The following GRM3 variants were observed in gnomAD, a reference collection of about 807,000 sequenced individuals.
GRM3 encodes glutamate metabotropic receptor 3, also known as metabotropic glutamate receptor 3.
GRM3 carries 26 observed loss-of-function variants against 70.5 expected under a neutral mutation model. The observed-to-expected ratio is 0.37, with a 90% CI of 0.27 to 0.51. The LOEUF is 0.51. Ranked by LOEUF, GRM3 falls within the 20% of genes least tolerant of loss-of-function variation. GRM3 has a pLI of 0.93. For synonymous variants in GRM3, 443 were observed against 434.9 expected (o/e 1.02, Z -0.23); for missense variants, 859 against 1,123.8 (o/e 0.76, Z 3.37).
At chr7:86,680,655 TGTTA>T (rs1158429120) in intron 1 of GRM3, among the ~76,000 whole-genome samples, 1 of 152,150 alleles carries the variant, frequency 6.6e-6, no homozygotes, top group East Asian at 1.9e-4. Context: ...AGTAAGACTT[TGTTA>T]AACACTAAAT....
chr7:86,712,135 A>G (rs1023377136), intron 1 of GRM3, among the ~76,000 whole-genome samples: 8 of 152,034 alleles, frequency 5.3e-5, no homozygotes, highest in Non-Finnish European at 1.2e-4. Context: ...AATTCTGCTT[A>G]CTTTACCTTT....
At chr7:86,707,945 G>T (rs191276120) in intron 1 of GRM3, among the ~76,000 whole-genome samples, 26 of 152,094 alleles carry the variant, frequency 1.7e-4, no homozygotes, top group African/African-American at 5.3e-4. Context: ...TATGAAAAAG[G>T]TACTGTCATG....
At chr7:86,710,446 G>C (rs1420605836) in intron 1 of GRM3, among the ~76,000 whole-genome samples, 1 of 148,340 alleles carries the variant, frequency 6.7e-6, no homozygotes, top group Non-Finnish European at 1.5e-5. Context: ...TGGGAAAGCA[G>C]ATAGCCCAGG....
chr7:86,832,883 C>T lies in GRM3; in HGVS notation c.1325-5956C>T, dbSNP rs74631050. On this transcript the variant is annotated intron_variant, in intron 3 of 5. Transcript: ENST00000361669. ...GATTCTCCTGACCCAAAGCCACATC[C>T]GACTCCTTCTGAAAGTGAAGACCTG... 1,864 of 241,170 alleles carry T rather than the reference C, an allele frequency of 7.7e-3. 37 individuals carry two copies. Among genetic ancestry groups the T allele is most frequent in the African/African-American group, 0.04 (1,743 of 43,176 alleles). 14.9% of individuals were successfully genotyped at this position (241,170 alleles called of 1,614,324 possible). A position where few individuals can be genotyped will look rare whatever the true frequency, so the allele number is the denominator to read the frequency against.
At chr7:86,813,049 TATC>T (rs1377435447) in intron 3 of GRM3, among the ~76,000 whole-genome samples, 19 of 151,952 alleles carry the variant, frequency 1.3e-4, no homozygotes, top group African/African-American at 4.6e-4. Context: ...TGCCCCTCAT[TATC>T]ATCAGAACTT....
At chr7:86,710,566 T>TGGGGG (rs1171125332) in intron 1 of GRM3, among the ~76,000 whole-genome samples, 2 of 8,132 alleles carry the variant, frequency 2.5e-4, no homozygotes, top group African/African-American at 1.1e-3. Flanking sequence ...GTGTGTGTGG[T>TGGGGG]GGGGGGTGGG....
intron 1 of GRM3, among the ~76,000 whole-genome samples, chr7:86,749,242 C>G (rs1224644106): frequency 6.6e-6 from 1 of 151,980 alleles, no homozygotes; most frequent in Non-Finnish European, 1.5e-5. Flanking sequence ...TGTGAAACAC[C>G]ATCCTTTGGG....
intron 1 of GRM3, among the ~76,000 whole-genome samples, chr7:86,677,312 A>T (rs1794331156): frequency 6.6e-6 from 1 of 152,046 alleles, no homozygotes. Context: ...CCAGAACTCT[A>T]GATTTCCAGT....
intron 1 of GRM3, among the ~76,000 whole-genome samples, chr7:86,708,862 A>G (rs1795118991): frequency 1.3e-5 from 2 of 152,074 alleles, no homozygotes; most frequent in African/African-American, 2.4e-5. Context: ...TTTATTTAAG[A>G]TTCATGTCTC....
At chr7:86,841,157 AATAG>A (rs1414556214) in intron 4 of GRM3, among the ~76,000 whole-genome samples, 1 of 152,210 alleles carries the variant, frequency 6.6e-6, no homozygotes, top group Admixed American at 6.5e-5. Flanking sequence ...TGCGAATTAA[AATAG>A]ATAAATACTT....
At chr7:86,760,586 G>A (rs906870550) in intron 1 of GRM3, among the ~76,000 whole-genome samples, 2 of 152,000 alleles carry the variant, frequency 1.3e-5, no homozygotes, top group Non-Finnish European at 2.9e-5. Context: ...CACACAATCC[G>A]ATAAACTGTT....
In GRM3 at chr7:86,716,440, A is replaced by G. The variant is rs150157687; in HGVS notation, c.-140-48566A>G. 3.7e-4 allele frequency among the ~76,000 whole-genome samples: 56 copies of G among 152,060 alleles called. 1 individual carries two copies. Among genetic ancestry groups the G allele is most frequent in the African/African-American group, 1.3e-3 (55 of 41,528 alleles). On this transcript the variant is annotated intron_variant, in intron 1 of 5. Coordinates refer to ENST00000361669, the MANE Select transcript of GRM3 (RefSeq NM_000840.3). ...AAACTAAGGATGAGAAATGGTAAGA[A>G]GTTTGTCCAAATCAGGCACCTGGTA... is the stretch of plus-strand genomic sequence containing the variant.
rs547728985 is a variant in GRM3 at position 86,757,635 on chromosome 7, G to C, written c.-140-7371G>C. Among the ~76,000 whole-genome samples the C allele has an allele frequency of 2.0e-5, 3 of 152,240 alleles. No homozygotes were observed. The South Asian group carries it at 6.2e-4, about 32-fold the overall frequency. ...CATGCAGCTCACTGCCCCACAAATA[G>C]CAACCACTTTAGCAGCTTAGAATTC... On this transcript the variant is annotated intron_variant, in intron 1 of 5. Transcript: ENST00000361669.
intron 1 of GRM3, among the ~76,000 whole-genome samples, chr7:86,674,531 A>G (rs1258667218): frequency 2.0e-5 from 3 of 152,154 alleles, no homozygotes; most frequent in African/African-American, 7.2e-5. Flanking sequence ...AAGAACTTGC[A>G]AATAGATTAA....
intron 1 of GRM3, among the ~76,000 whole-genome samples, chr7:86,673,118 C>T (rs2115916048): frequency 6.6e-6 from 1 of 152,192 alleles, no homozygotes; most frequent in Middle Eastern, 3.4e-3. Flanking sequence ...TATATATTAT[C>T]ATATTTCCAT....
chr7:86,762,786 A>G (rs1028611430), intron 1 of GRM3, among the ~76,000 whole-genome samples: 6 of 152,108 alleles, frequency 3.9e-5, no homozygotes, highest in African/African-American at 1.2e-4. Flanking sequence ...AAATTGGTAT[A>G]GAAGGACATT....
chr7:86,801,394 G>A (rs1797680436), intron 3 of GRM3, among the ~76,000 whole-genome samples: 1 of 152,112 alleles, frequency 6.6e-6, no homozygotes, highest in East Asian at 1.9e-4. Flanking sequence ...TTACAAGTTT[G>A]TTCTTCATGA....
chr7:86,670,046 G>A (rs1446646386), intron 1 of GRM3, among the ~76,000 whole-genome samples: 1 of 152,100 alleles, frequency 6.6e-6, no homozygotes. Context: ...ATCTTCTAAA[G>A]CACCCTCATT....
At chr7:86,750,347 A>G (rs545897439) in intron 1 of GRM3, among the ~76,000 whole-genome samples, 3 of 152,202 alleles carry the variant, frequency 2.0e-5, no homozygotes, top group Non-Finnish European at 2.9e-5. Context: ...AATACAGACT[A>G]TGACCAAATA....
Sources: allele counts gnomAD v4.1 joint callset (sites outside exome capture counted in the v4.1 genomes callset), GRCh38; gene constraint gnomAD v4.1.1; transcripts MANE v1.5; gene names NCBI Gene and HGNC (gene_info 2026-07-23, HGNC 2026-07-21).